The following PDE1C variants were observed in gnomAD, a reference collection of about 807,000 sequenced individuals.
PDE1C encodes the protein phosphodiesterase 1C, also known as dual specificity calcium/calmodulin-dependent 3',5'-cyclic nucleotide phosphodiesterase 1C.
In PDE1C, 62 loss-of-function variants were observed where a neutral mutation model predicts 93.1. The ratio of observed to expected loss-of-function variants is 0.67; its 90% CI spans 0.54 to 0.82. PDE1C has a LOEUF of 0.82. Ranked by LOEUF, PDE1C falls within the 40% of genes least tolerant of loss-of-function variation. The pLI is 0.00. For synonymous variants in PDE1C, 325 were observed against 310.1 expected, an observed-to-expected ratio of 1.05 and a Z score of -0.50; for missense variants, 742 against 884.6, an observed-to-expected ratio of 0.84 and a Z score of 2.04.
At position 32,418,315 on chromosome 7, in the gene PDE1C, C is replaced by T. The variant is rs149001108; in HGVS notation, c.310+9507G>A. ...AAGACCTGGGTTCAAGTAAGACCCC[C>T]GTACTCACTAGATGTGCAACCTCAG... On this transcript the variant is annotated intron_variant, in intron 1 of 1. Coordinates refer to the PDE1C transcript ENST00000672256. Among the ~76,000 whole-genome samples, 271 of 152,304 alleles carry T rather than the reference C, an allele frequency of 1.8e-3. 2 individuals carry two copies. The highest frequency in any genetic ancestry group is 6.1e-3 in the African/African-American group (255 of 41,582).
rs376690544 is a variant in PDE1C at position 32,398,115 on chromosome 7, T to G, written c.310+29707A>C. Among the ~76,000 whole-genome samples the G allele has an allele frequency of 7.9e-4, 115 of 146,434 alleles. 2 individuals carry two copies. The Middle Eastern group carries it at 0.015, about 20-fold the overall frequency. Reference sequence around the variant, plus strand: ...TTGCAGTGAGCCGAGATCGCGCCACTGCACTCCAGCCTGGGCTGCAGAGCA... The same window carrying G: ...TTGCAGTGAGCCGAGATCGCGCCACGGCACTCCAGCCTGGGCTGCAGAGCA... On this transcript the variant is annotated intron_variant, in intron 1 of 1. Coordinates refer to the PDE1C transcript ENST00000672256.
intron 2 of PDE1C, among the ~76,000 whole-genome samples, chr7:32,002,357 C>T (rs948849512): frequency 6.6e-6 from 1 of 152,130 alleles, no homozygotes; most frequent in Admixed American, 6.5e-5. Flanking sequence ...CAGGAGGCAC[C>T]ATGGAGCTGG....
rs941716092 is a variant in PDE1C at position 31,795,245 on chromosome 7, CTTTAT to C, written c.1891+13781_1891+13785del. ...GGCACATATTTACTTCAAAGGTTCC[CTTTAT>C]TTTAAATATTTAAATATAATGTTAA... On this transcript the variant is annotated intron_variant, in intron 16 of 17. Transcript: ENST00000396191. Among the ~76,000 whole-genome samples the C allele has an allele frequency of 1.4e-4, 21 of 151,838 alleles. 1 individual carries two copies. Among genetic ancestry groups the C allele is most frequent in the African/African-American group, 5.1e-4 (21 of 41,380 alleles).
At chr7:32,370,143 T>C (rs1784303881) in intron 1 of PDE1C, among the ~76,000 whole-genome samples, 2 of 152,254 alleles carry the variant, frequency 1.3e-5, no homozygotes, top group Admixed American at 6.5e-5. Flanking sequence ...TGGAATACTA[T>C]GCAGCCATAA....
chr7:31,658,492 C>A, the PDE1C span: 2 of 1,057,342 alleles, frequency 1.9e-6, no homozygotes, highest in East Asian at 2.9e-5. Context: ...AAGTGGTGCC[C>A]CTTTGAGAAG....
At chr7:31,653,040 C>G in the PDE1C span, 1 of 1,273,740 alleles carries the variant, frequency 7.9e-7, no homozygotes, top group Non-Finnish European at 1.0e-6. Context: ...ATGTGCCTGG[C>G]ACAGAGTATG....
intron 2 of PDE1C, among the ~76,000 whole-genome samples, chr7:31,951,135 G>A (rs149588538): frequency 1.3e-5 from 2 of 152,174 alleles, no homozygotes; most frequent in African/African-American, 4.8e-5. Flanking sequence ...AGTCCCATTC[G>A]ATGAGGATCC....
At chr7:32,372,319 G>T (rs1261429476) in intron 1 of PDE1C, among the ~76,000 whole-genome samples, 24 of 152,086 alleles carry the variant, frequency 1.6e-4, no homozygotes, top group Admixed American at 6.5e-5. Context: ...CTCCCAAAGT[G>T]TTGGAATTAC....
intron 3 of PDE1C, among the ~76,000 whole-genome samples, chr7:32,126,318 G>A (rs1184392414): frequency 6.6e-6 from 1 of 152,028 alleles, no homozygotes; most frequent in Non-Finnish European, 1.5e-5. Flanking sequence ...GGGAAACTGA[G>A]ACCAAGAAAA....
chr7:32,066,551 C>A (rs1238850162), intron 1 of PDE1C, among the ~76,000 whole-genome samples: 1 of 152,010 alleles, frequency 6.6e-6, no homozygotes, highest in Non-Finnish European at 1.5e-5. Flanking sequence ...TTAAAAAATG[C>A]AGCATAGAAA....
chr7:31,870,720 T>A (rs887039329), intron 6 of PDE1C, among the ~76,000 whole-genome samples: 8 of 151,892 alleles, frequency 5.3e-5, no homozygotes, highest in African/African-American at 1.7e-4. Flanking sequence ...TCCAAAAAAT[T>A]GAGGGGCAAT....
intron 2 of PDE1C, among the ~76,000 whole-genome samples, chr7:31,927,018 G>A (rs1467917875): frequency 6.6e-6 from 1 of 152,190 alleles, no homozygotes; most frequent in African/African-American, 2.4e-5. Context: ...TTCTCACTCA[G>A]TGGGTTCCAC....
the PDE1C span, among the ~76,000 whole-genome samples, chr7:31,654,745 A>G: frequency 6.6e-6 from 1 of 152,314 alleles, no homozygotes; most frequent in Middle Eastern, 3.4e-3. Context: ...TGCTTGGAAA[A>G]GTAATGCCAT....
chr7:31,885,984 A>G (rs1362114699), intron 2 of PDE1C, among the ~76,000 whole-genome samples: 1 of 152,210 alleles, frequency 6.6e-6, no homozygotes, highest in Non-Finnish European at 1.5e-5. Flanking sequence ...ATTCTGCCCA[A>G]GGTTATTCCC....
chr7:31,840,174 G>A (rs906796036), intron 9 of PDE1C, among the ~76,000 whole-genome samples: 1 of 152,050 alleles, frequency 6.6e-6, no homozygotes, highest in African/African-American at 2.4e-5. Context: ...TTCTTCTGAT[G>A]GATATGTAGT....
the PDE1C span, among the ~76,000 whole-genome samples, chr7:31,672,995 C>A: frequency 6.6e-6 from 1 of 152,288 alleles, no homozygotes; most frequent in African/African-American, 2.4e-5. Context: ...TCCCTGTGAA[C>A]AAAGTGCCTG....
intron 6 of PDE1C, among the ~76,000 whole-genome samples, chr7:31,869,183 A>C (rs994337604): frequency 1.3e-5 from 2 of 152,096 alleles, no homozygotes; most frequent in African/African-American, 4.8e-5. Context: ...ACCAAACCAC[A>C]ATTATAAATA....
intron 2 of PDE1C, among the ~76,000 whole-genome samples, chr7:31,998,234 T>C (rs922647231): frequency 3.9e-4 from 59 of 152,216 alleles, no homozygotes; most frequent in African/African-American, 7.0e-4. Flanking sequence ...TTAGCCAGGA[T>C]GGTCTCGATC....
At chr7:32,134,982 T>A (rs1480575457) in intron 3 of PDE1C, among the ~76,000 whole-genome samples, 1 of 152,022 alleles carries the variant, frequency 6.6e-6, no homozygotes, top group African/African-American at 2.4e-5. Context: ...TCAAGTGAGA[T>A]GAGACCAAAA....
Sources: allele counts gnomAD v4.1 joint callset (sites outside exome capture counted in the v4.1 genomes callset), GRCh38; gene constraint gnomAD v4.1.1; transcripts MANE v1.5; gene names NCBI Gene and HGNC (gene_info 2026-07-23, HGNC 2026-07-21).